The following SLC24A2 variants were observed in gnomAD, a reference collection of about 807,000 sequenced individuals.
SLC24A2 encodes the protein sodium/potassium/calcium exchanger 2.
A neutral mutation model predicts 62.0 loss-of-function variants in SLC24A2; 36 were observed. The observed-to-expected ratio is 0.58, with a 90% CI of 0.44 to 0.77. SLC24A2 has a LOEUF of 0.77. Among genes scored for constraint, SLC24A2 ranks in the 30% least tolerant of loss-of-function variants. The probability of loss-of-function intolerance (pLI) is 0.00; values close to 1 mark genes in which losing one functional copy is unlikely to be tolerated. For synonymous variants in SLC24A2, 358 were observed against 294.0 expected, an observed-to-expected ratio of 1.22 and a Z score of -2.23; for missense variants, 846 against 817.9, an observed-to-expected ratio of 1.03 and a Z score of -0.42.
At chr9:19,981,402 T>C in the SLC24A2 span, among the ~76,000 whole-genome samples, 1 of 152,190 alleles carries the variant, frequency 6.6e-6, no homozygotes, top group African/African-American at 2.4e-5. Context: ...ATTTATTTTG[T>C]AAAAGAAACA....
At chr9:20,087,798 A>G in the SLC24A2 span, among the ~76,000 whole-genome samples, 135 of 151,840 alleles carry the variant, frequency 8.9e-4, no homozygotes, top group Admixed American at 3.4e-3. Context: ...AGGTACATGC[A>G]CTGGCATTCA....
the SLC24A2 span, among the ~76,000 whole-genome samples, chr9:20,019,155 A>AAGAAAGAAAGAAAGAAAGAAAGAAAG: frequency 8.5e-6 from 1 of 117,088 alleles, no homozygotes; most frequent in Non-Finnish European, 1.8e-5. Context: ...GAAAGAAAGA[A>AAGAAAGAAAGAAAGAAAGAAAGAAAG]AGAGAGAGAG....
the SLC24A2 span, among the ~76,000 whole-genome samples, chr9:20,039,739 T>G: frequency 6.6e-6 from 1 of 151,806 alleles, no homozygotes; most frequent in Non-Finnish European, 1.5e-5. Flanking sequence ...GAGAATGAGG[T>G]AGGAACCAAG....
At chr9:19,699,888 A>G (rs112055242) in intron 2 of SLC24A2, among the ~76,000 whole-genome samples, 45 of 152,132 alleles carry the variant, frequency 3.0e-4, no homozygotes, top group African/African-American at 9.4e-4. Flanking sequence ...CAGGACACCA[A>G]TGACTCAGCC....
chr9:19,705,475 T>C (rs1587185950), intron 2 of SLC24A2: 2 of 205,872 alleles, frequency 9.7e-6, no homozygotes, highest in East Asian at 2.3e-4. Flanking sequence ...CCAGTGCATG[T>C]ACCAACATTA....
intron 5 of SLC24A2, among the ~76,000 whole-genome samples, chr9:19,582,516 G>A (rs1015956230): frequency 3.3e-5 from 5 of 152,158 alleles, no homozygotes; most frequent in Non-Finnish European, 7.3e-5. Context: ...ACCATGGCTT[G>A]GGAGAAGAAA....
chr9:19,959,080 C>T, the SLC24A2 span, among the ~76,000 whole-genome samples: 9 of 152,172 alleles, frequency 5.9e-5, no homozygotes, highest in African/African-American at 1.4e-4. Context: ...TTGCTTTTCG[C>T]TAACCCATCT....
At chr9:20,295,206 T>A in the SLC24A2 span, among the ~76,000 whole-genome samples, 3 of 152,078 alleles carry the variant, frequency 2.0e-5, no homozygotes, top group Non-Finnish European at 4.4e-5. Context: ...CCCTAATCTC[T>A]AAAATCCCCA....
intron 10 of SLC24A2, 141 bp downstream of exon 10, chr9:19,520,753 C>T (rs1398700236): frequency 1.3e-6 from 1 of 782,290 alleles, no homozygotes; most frequent in South Asian, 1.5e-5. Flanking sequence ...TGGGGAAATG[C>T]AATGGTATTC....
the SLC24A2 span, among the ~76,000 whole-genome samples, chr9:20,214,438 C>T: frequency 6.6e-6 from 1 of 151,972 alleles, no homozygotes; most frequent in African/African-American, 2.4e-5. Context: ...CAGTGAAACC[C>T]CATCTCTGCT....
chr9:20,062,076 G>A, the SLC24A2 span, among the ~76,000 whole-genome samples: 2 of 152,000 alleles, frequency 1.3e-5, no homozygotes, highest in Non-Finnish European at 2.9e-5. Context: ...AAAAGAAAAA[G>A]AAAATACCCA....
chr9:19,604,838 T>C (rs1394586404), intron 4 of SLC24A2, among the ~76,000 whole-genome samples: 1 of 152,252 alleles, frequency 6.6e-6, no homozygotes, highest in African/African-American at 2.4e-5. Flanking sequence ...TACAGTATTG[T>C]CTGGCATGTT....
chr9:19,762,658 A>T (rs1039446569), intron 2 of SLC24A2, among the ~76,000 whole-genome samples: 1 of 152,000 alleles, frequency 6.6e-6, no homozygotes, highest in Admixed American at 6.6e-5. Context: ...ATTCTGTTCC[A>T]TTGGTCTATA....
At chr9:19,890,033 C>T in the SLC24A2 span, among the ~76,000 whole-genome samples, 1 of 151,908 alleles carries the variant, frequency 6.6e-6, no homozygotes, top group African/African-American at 2.4e-5. Flanking sequence ...TACCTTCTTA[C>T]TTAGTTTAGA....
At chr9:19,832,618 C>A in the SLC24A2 span, among the ~76,000 whole-genome samples, 1 of 152,052 alleles carries the variant, frequency 6.6e-6, no homozygotes. Flanking sequence ...TTAAATGTTA[C>A]ACCTAAAACC....
chr9:20,305,208 A>G, the SLC24A2 span, among the ~76,000 whole-genome samples: 1 of 151,426 alleles, frequency 6.6e-6, no homozygotes, highest in Non-Finnish European at 1.5e-5. Flanking sequence ...CGCAGGTTCA[A>G]GTGATTCTCC....
At chr9:20,040,221 T>C in the SLC24A2 span, among the ~76,000 whole-genome samples, 2 of 152,182 alleles carry the variant, frequency 1.3e-5, no homozygotes, top group Non-Finnish European at 2.9e-5. Context: ...TTGTTGTTAG[T>C]GTTTAAAGAT....
chr9:20,002,623 G>A, the SLC24A2 span, among the ~76,000 whole-genome samples: 2 of 152,158 alleles, frequency 1.3e-5, no homozygotes, highest in African/African-American at 4.8e-5. Context: ...AATCATAGTT[G>A]AGAGCTCACT....
At chr9:20,147,231 C>T in the SLC24A2 span, among the ~76,000 whole-genome samples, 1 of 152,070 alleles carries the variant, frequency 6.6e-6, no homozygotes, top group South Asian at 2.1e-4. Context: ...TAAAAAGATC[C>T]AGGGCAGCTC....
Sources: allele counts gnomAD v4.1 joint callset (sites outside exome capture counted in the v4.1 genomes callset), GRCh38; gene constraint gnomAD v4.1.1; transcripts MANE v1.5; gene names NCBI Gene and HGNC (gene_info 2026-07-23, HGNC 2026-07-21).